The following PTPRS variants were observed in gnomAD, a reference collection of about 807,000 sequenced individuals.
PTPRS encodes receptor-type tyrosine-protein phosphatase S.
A neutral mutation model predicts 215.3 loss-of-function variants in PTPRS; 63 were observed. That is an observed-to-expected ratio of 0.29 (90% CI 0.24 to 0.36). The LOEUF (loss-of-function observed/expected upper bound fraction) is 0.36, where lower values mean the gene tolerates loss of function less well. Ranked by LOEUF, PTPRS falls within the 10% of genes least tolerant of loss-of-function variation. The pLI, the probability that PTPRS is intolerant of heterozygous loss-of-function variation, is 1.00. For missense variants in PTPRS, 2,258 were observed against 2,825.8 expected (o/e 0.80, Z 4.56); for synonymous variants, 1,404 against 1,191.4 (o/e 1.18, Z -3.68).
intron 9 of PTPRS, among the ~76,000 whole-genome samples, chr19:5,251,322 C>T (rs994661034): frequency 2.0e-5 from 3 of 151,432 alleles, no homozygotes; most frequent in East Asian, 1.9e-4. Flanking sequence ...ACTGAGGTAG[C>T]GTGCAAGGCC....
intron 7 of PTPRS, among the ~76,000 whole-genome samples, chr19:5,260,170 C>T (rs1466551950): frequency 2.0e-5 from 3 of 149,466 alleles, no homozygotes; most frequent in Admixed American, 6.7e-5. Context: ...TTTGCATGTT[C>T]GTTTTGTTTC....
At chr19:5,263,706 T>C (rs1025802142) in intron 5 of PTPRS, among the ~76,000 whole-genome samples, 1 of 152,356 alleles carries the variant, frequency 6.6e-6, no homozygotes, top group South Asian at 2.1e-4. Flanking sequence ...CCACCACGTG[T>C]GTCCCCACGC....
rs1354859292 is a variant in PTPRS, at chr19:5,215,609, C to G, written c.4097-14G>C. 6.3e-6 allele frequency: 10 copies of G among 1,575,580 alleles called. No individual in the cohort carries two copies. Among genetic ancestry groups the G allele is most frequent in the Non-Finnish European group, 8.6e-6 (10 of 1,157,894 alleles). ...GGCTAAGCATGCCTACAGGGTGGAG[C>G]AGACCCCGCCGGGGTTGGTCACTTG... is the stretch of plus-strand genomic sequence containing the variant. On this transcript the variant is annotated splice_polypyrimidine_tract_variant and intron_variant, in intron 26 of 37. Transcript: ENST00000262963.
intron 6 of PTPRS, among the ~76,000 whole-genome samples, chr19:5,262,075 T>C (rs2046041069): frequency 6.6e-6 from 1 of 152,014 alleles, no homozygotes. Context: ...GAGTTTGGGG[T>C]ACCAGCCTGG....
chr19:5,224,328 G>A (rs1399801428), intron 17 of PTPRS, among the ~76,000 whole-genome samples: 1 of 151,258 alleles, frequency 6.6e-6, no homozygotes, highest in Non-Finnish European at 1.5e-5. Context: ...CTGGGCTAGG[G>A]GCGCATAAAG....
At chr19:5,270,361 G>T (rs1045223441) in intron 4 of PTPRS, among the ~76,000 whole-genome samples, 11 of 125,620 alleles carry the variant, frequency 8.8e-5, no homozygotes, top group Non-Finnish European at 1.4e-4. Context: ...CATGATCATA[G>T]CCCACTGTAG....
At chr19:5,232,335 C>G (rs2043086412) in intron 13 of PTPRS, among the ~76,000 whole-genome samples, 1 of 151,082 alleles carries the variant, frequency 6.6e-6, no homozygotes, top group Non-Finnish European at 1.5e-5. Flanking sequence ...TATTAGGCAC[C>G]TATTATGTGC....
chr19:5,209,374 C>T (rs982308325), intron 35 of PTPRS, among the ~76,000 whole-genome samples: 3 of 152,204 alleles, frequency 2.0e-5, no homozygotes, highest in African/African-American at 7.2e-5. Flanking sequence ...CCATCTTCCA[C>T]TGACATTCTC....
chr19:5,328,498 A>G (rs928539197), intron 1 of PTPRS, among the ~76,000 whole-genome samples: 1 of 151,070 alleles, frequency 6.6e-6, no homozygotes, highest in Non-Finnish European at 1.5e-5. Context: ...TCAGCCTCCC[A>G]AAGTGTTGGG....
At chr19:5,333,105 C>T (rs560167333) in intron 1 of PTPRS, among the ~76,000 whole-genome samples, 26 of 151,878 alleles carry the variant, frequency 1.7e-4, no homozygotes, top group African/African-American at 6.3e-4. Context: ...GCTGAGATCA[C>T]GCCGTTGCAC....
intron 4 of PTPRS, among the ~76,000 whole-genome samples, chr19:5,266,930 C>G (rs566541366): frequency 6.6e-6 from 1 of 152,172 alleles, no homozygotes; most frequent in Non-Finnish European, 1.5e-5. Flanking sequence ...CTAGCTCCAA[C>G]TCCCTTGCTC....
At chr19:5,312,937 CAG>C (rs1262949899) in intron 1 of PTPRS, among the ~76,000 whole-genome samples, 2 of 152,170 alleles carry the variant, frequency 1.3e-5, no homozygotes, top group Non-Finnish European at 2.9e-5. Flanking sequence ...TTTATTTAGA[CAG>C]AGTCTCACTC....
At chr19:5,263,844 C>A (rs918522185) in intron 5 of PTPRS, among the ~76,000 whole-genome samples, 1 of 152,174 alleles carries the variant, frequency 6.6e-6, no homozygotes, top group Non-Finnish European at 1.5e-5. Flanking sequence ...TTGCTCCGGG[C>A]GGGGGAAGGG....
At chr19:5,249,538 C>G (rs891030742) in intron 9 of PTPRS, among the ~76,000 whole-genome samples, 5 of 152,308 alleles carry the variant, frequency 3.3e-5, no homozygotes, top group Admixed American at 2.0e-4. Context: ...AGCCTGGTTG[C>G]TGCCTCTCAG....
At chr19:5,276,143 C>T (rs1469391809) in intron 2 of PTPRS, among the ~76,000 whole-genome samples, 8 of 152,238 alleles carry the variant, frequency 5.3e-5, no homozygotes, top group East Asian at 3.8e-4. Flanking sequence ...CTGGCTTTCA[C>T]ATCCACATTC....
At chr19:5,229,718 G>T in intron 14 of PTPRS, 34 bp from the exon 15 acceptor site, 1 of 1,215,332 alleles carries the variant, frequency 8.2e-7, no homozygotes, top group Non-Finnish European at 1.0e-6. Context: ...GGGGCGGGCG[G>T]AGCCGTTACC....
At position 5,223,476 on chromosome 19, in the gene PTPRS, G is replaced by A. The variant is rs893401873; in HGVS notation, c.2495-179C>T. 6.6e-5 allele frequency among the ~76,000 whole-genome samples: 10 copies of A among 151,608 alleles called. No individual in the cohort carries two copies. In the East Asian group the frequency reaches 1.9e-3, roughly 30 times the overall value. Reference sequence around the variant, plus strand: ...TGAGATCACGGCTCACTGCAGCCTCGAACTCCTGGGCTCAAGTGAGCTTCC... The same window carrying A: ...TGAGATCACGGCTCACTGCAGCCTCAAACTCCTGGGCTCAAGTGAGCTTCC... On this transcript the variant is annotated intron_variant, in intron 17 of 37. Transcript: ENST00000262963.
At chr19:5,258,673 G>A (rs1481704511) in intron 7 of PTPRS, among the ~76,000 whole-genome samples, 1 of 152,242 alleles carries the variant, frequency 6.6e-6, no homozygotes, top group Non-Finnish European at 1.5e-5. Context: ...AGTCCTCAAC[G>A]CCCCTAAGTA....
chr19:5,234,973 C>T (rs1185668322), intron 13 of PTPRS, among the ~76,000 whole-genome samples: 2 of 146,258 alleles, frequency 1.4e-5, no homozygotes, highest in Non-Finnish European at 3.0e-5. Flanking sequence ...GACAGTCTTG[C>T]TCTGTCGCCC....
Sources: gnomAD v4.1 joint callset for allele counts (sites outside exome capture counted in the v4.1 genomes callset) on GRCh38, gnomAD v4.1.1 for gene constraint, MANE v1.5 for transcripts, NCBI Gene and HGNC (gene_info 2026-07-23, HGNC 2026-07-21) for gene names.